RGMA: variants seen among roughly 807,000 people sequenced by gnomAD.
RGMA encodes repulsive guidance molecule A.
Under a neutral mutation model 23.2 loss-of-function variants are expected in RGMA, and 10 were observed. That is an observed-to-expected ratio of 0.43 (90% confidence interval 0.27 to 0.73). RGMA has a LOEUF of 0.73. Ranked by LOEUF, RGMA falls within the 30% of genes least tolerant of loss-of-function variation. The probability of loss-of-function intolerance (pLI) is 0.20; values close to 1 mark genes in which losing one functional copy is unlikely to be tolerated. For missense variants in RGMA, 547 were observed against 630.5 expected (o/e 0.87, Z 1.42); for synonymous variants, 308 against 279.3 (o/e 1.10, Z -1.03).
chr15:93,046,895 C>T (rs1489861146), intron 3 of RGMA, among the ~76,000 whole-genome samples: 2 of 77,478 alleles, frequency 2.6e-5, no homozygotes, highest in Non-Finnish European at 6.3e-5. Flanking sequence ...CAGCAGCTGG[C>T]TGGGTGGCAC....
intron 2 of RGMA, chr15:93,065,959 G>A (rs900736322): frequency 1.0e-5 from 9 of 884,292 alleles, no homozygotes; most frequent in Non-Finnish European, 1.6e-5. Context: ...GAAGGGTGGG[G>A]GGCGCCGTCG....
rs1294408462 is a variant in RGMA at position 93,045,201 on chromosome 15, TGAG to T, written c.1147_1149del (p.Leu383del). 2 of 1,611,050 alleles carry T rather than the reference TGAG, an allele frequency of 1.2e-6. No individual in the cohort carries two copies. Among genetic ancestry groups the T allele is most frequent in the Non-Finnish European group, 8.5e-7 (1 of 1,178,802 alleles). ...AGTGTGAAGTTCACGTCGCCCGTGG[TGAG>T]GAGGTCGAAGACGCAGGCCTGGTAG... On this transcript the variant is annotated inframe_deletion, in exon 4 of 4. Transcript: ENST00000329082. The surrounding 1 kb of genome is among the most constrained non-coding windows in gnomAD (Gnocchi z 6.9).
At chr15:93,060,968 T>C (rs1894941228) in intron 2 of RGMA, among the ~76,000 whole-genome samples, 1 of 152,182 alleles carries the variant, frequency 6.6e-6, no homozygotes, top group Admixed American at 6.5e-5. Flanking sequence ...ACCTTCTTGG[T>C]CTCTCCAGCT....
chr15:93,065,565 G>C, intron 2 of RGMA: 1 of 720,066 alleles, frequency 1.4e-6, no homozygotes, highest in Non-Finnish European at 2.5e-6. Context: ...GGCAGCTCTG[G>C]GTGTCCTTTG....
rs528904716 is a variant in RGMA at position 93,056,361 on chromosome 15, C to T, written c.131-3854G>A. Among the ~76,000 whole-genome samples, 17 of 152,024 alleles carry T rather than the reference C, an allele frequency of 1.1e-4. 1 individual carries two copies. The South Asian group carries it at 2.7e-3, about 24-fold the overall frequency. On this transcript the variant is annotated intron_variant, in intron 2 of 3. Coordinates refer to ENST00000329082, the MANE Select transcript of RGMA (RefSeq NM_020211.3). ...CCCCCAGGAGCAAACAGCAGGGATG[C>T]GGCCACCTTAGCCCTGATGCAGAGC... is the stretch of plus-strand genomic sequence containing the variant.
Position 93,045,009 on chromosome 15 carries a change from CAG to C in RGMA, c.1340_1341del (p.Pro447ArgfsTer7), listed in dbSNP as rs2054792613. The C allele has an allele frequency of 2.5e-6, 4 of 1,599,278 alleles. No homozygotes were observed. Among genetic ancestry groups the C allele is most frequent in the Non-Finnish European group, 2.6e-6 (3 of 1,173,420 alleles). ...CCACATCTACGCGTCTAGCAGAACA[CAG>C]GGAGCAGGGCCAGGAGCGGGACGAG... ...GALVPLLALL[P>X]VFC On this transcript the variant is annotated frameshift_variant, in exon 4 of 4. Transcript: ENST00000329082. LOFTEE classifies it high-confidence loss of function. The surrounding 1 kb of genome is among the most constrained non-coding windows in gnomAD (Gnocchi z 6.9).
chr15:93,068,651 T>C (rs1030595623), intron 2 of RGMA, among the ~76,000 whole-genome samples: 2 of 152,218 alleles, frequency 1.3e-5, no homozygotes, highest in African/African-American at 2.4e-5. Context: ...TGGGAGCCAA[T>C]GCGCTGCTCT....
At chr15:93,053,150 C>T (rs73458372) in intron 2 of RGMA, among the ~76,000 whole-genome samples, 1,686 of 152,328 alleles carry the variant, frequency 0.011, 32 homozygotes, top group African/African-American at 0.038. Context: ...ACCATAGCCC[C>T]ATCCTCTGTC....
chr15:93,056,387 G>A (rs2055014761), intron 2 of RGMA, among the ~76,000 whole-genome samples: 2 of 126,710 alleles, frequency 1.6e-5, no homozygotes, highest in Non-Finnish European at 3.5e-5. Context: ...GATGCAGAGC[G>A]GCTAAGAAGC....
chr15:93,069,015 G>T (rs1895239900), intron 2 of RGMA, among the ~76,000 whole-genome samples: 1 of 152,208 alleles, frequency 6.6e-6, no homozygotes, highest in Non-Finnish European at 1.5e-5. Context: ...TTTTGTTACA[G>T]CAGCCCAAAC....
chr15:93,050,989 G>A (rs556318337), intron 3 of RGMA, among the ~76,000 whole-genome samples: 1 of 152,320 alleles, frequency 6.6e-6, no homozygotes, highest in East Asian at 1.9e-4. Context: ...TATGCGGAGG[G>A]CTGCGGGGGC....
At chr15:93,065,289 A>T (rs764475817) in intron 2 of RGMA, among the ~76,000 whole-genome samples, 6 of 151,764 alleles carry the variant, frequency 4.0e-5, no homozygotes, top group Non-Finnish European at 7.4e-5. Context: ...GCAAAGAAAA[A>T]CAACCAGGAG....
chr15:93,075,935 AGCAGTATG>A (rs1895466545), intron 1 of RGMA, among the ~76,000 whole-genome samples: 1 of 152,202 alleles, frequency 6.6e-6, no homozygotes, highest in Admixed American at 6.5e-5. Flanking sequence ...CCCCAGCTAG[AGCAGTATG>A]GCGTTGTGTT....
chr15:93,045,071 C>T lies in RGMA; in HGVS notation c.1280G>A (p.Gly427Glu), dbSNP rs1421006335. ...GAGGGGCCGGGGGGCCAGGGGCAGC[C>T]CCGCAGCCGCCCTGCCTGGCAGGTC... ...TRDLPGRAAA[G>E]LPLAPRPLLG... The change falls in exon 4 of 4, where the codon GGG becomes GAG. Residue 427 changes from glycine to glutamate, a missense_variant. Transcript: ENST00000329082. This position sits in a 1 kb window ranked among gnomAD's most constrained non-coding sequence, Gnocchi z 6.9. 6.4e-7 allele frequency: 1 copy of T among 1,572,594 alleles called. No homozygotes were observed. Among genetic ancestry groups the T allele is most frequent in the Non-Finnish European group, 8.6e-7 (1 of 1,159,132 alleles).
intron 2 of RGMA, among the ~76,000 whole-genome samples, chr15:93,071,511 G>A (rs2141838749): frequency 6.6e-6 from 1 of 152,364 alleles, no homozygotes; most frequent in African/African-American, 2.4e-5. Flanking sequence ...GGTCTGGAGA[G>A]CAGGTTGCGG....
At position 93,044,685 on chromosome 15, in the gene RGMA, G is replaced by C. The variant is rs1201368510; in HGVS notation, c.*313C>G. 9.4e-6 allele frequency: 4 copies of C among 424,180 alleles called. No individual in the cohort carries two copies. Among genetic ancestry groups the C allele is most frequent in the African/African-American group, 8.0e-5 (4 of 49,862 alleles). The allele number at this position is 424,180 out of a possible 1,614,324, so 26.3% of individuals were successfully genotyped here. On this transcript the variant is annotated 3_prime_UTR_variant, in exon 4 of 4. Transcript: ENST00000329082. Reference sequence around the variant, plus strand: ...AGCTGACTCTGACGGTTCCCAGTGTGTCTCTGGTGGGGGTGGGGGGCTTCA... The same window carrying C: ...AGCTGACTCTGACGGTTCCCAGTGTCTCTCTGGTGGGGGTGGGGGGCTTCA...
At chr15:93,050,794 T>C (rs1186938776) in intron 3 of RGMA, among the ~76,000 whole-genome samples, 2 of 152,142 alleles carry the variant, frequency 1.3e-5, no homozygotes, top group Admixed American at 6.5e-5. Context: ...CTGCCAGCCC[T>C]TGGGAACCTG....
chr15:93,076,181 G>C (rs887663004), intron 1 of RGMA, among the ~76,000 whole-genome samples: 2 of 152,220 alleles, frequency 1.3e-5, no homozygotes, highest in African/African-American at 4.8e-5. Flanking sequence ...CCTGGGGATA[G>C]AGACACTCTC....
chr15:93,073,237 C>G, intron 1 of RGMA: 2 of 1,108,750 alleles, frequency 1.8e-6, no homozygotes, highest in Non-Finnish European at 2.2e-6. Context: ...GACGCGGCCC[C>G]GCGCCCCAGC....
Sources: allele counts gnomAD v4.1 joint callset (sites outside exome capture counted in the v4.1 genomes callset), GRCh38; gene constraint gnomAD v4.1.1; non-coding constraint Gnocchi (gnomAD v3.1); transcripts MANE v1.5; gene names NCBI Gene and HGNC (gene_info 2026-07-23, HGNC 2026-07-21).